Variants in TNS3 observed in about 807,000 individuals in gnomAD.
TNS3 encodes the protein tensin 3, also known as tensin-3.
A neutral mutation model predicts 140.9 loss-of-function variants in TNS3; 45 were observed. The ratio of observed to expected loss-of-function variants is 0.32; its 90% CI spans 0.25 to 0.41. The LOEUF is 0.41. Ranked by LOEUF, TNS3 falls within the 10% of genes least tolerant of loss-of-function variation. TNS3 has a pLI of 1.00. For synonymous variants in TNS3, 815 were observed against 788.4 expected (o/e 1.03, Z -0.56); for missense variants, 1,716 against 1,906.7 (o/e 0.90, Z 1.86).
At chr7:47,318,853 A>G (rs979324184) in intron 20 of TNS3, among the ~76,000 whole-genome samples, 1 of 152,184 alleles carries the variant, frequency 6.6e-6, no homozygotes, top group African/African-American at 2.4e-5. Flanking sequence ...TGTACCTAAG[A>G]TGCTTGGTTC....
intron 17 of TNS3, among the ~76,000 whole-genome samples, chr7:47,355,588 T>A (rs1789947842): frequency 1.3e-5 from 2 of 152,194 alleles, no homozygotes; most frequent in African/African-American, 2.4e-5. Context: ...CAGTCTGAAG[T>A]GCAGGAGAGG....
chr7:47,554,415 C>T (rs1449241733), intron 1 of TNS3, among the ~76,000 whole-genome samples: 1 of 110,638 alleles, frequency 9.0e-6, no homozygotes, highest in African/African-American at 2.9e-5. Context: ...AAGACTCCAT[C>T]TCAAAAAAAA....
rs934370714 is a variant in TNS3, at chr7:47,481,146, C to G, written c.-114-5G>C. On this transcript the variant is annotated splice_polypyrimidine_tract_variant and splice_region_variant and intron_variant, in intron 3 of 30. Transcript: ENST00000311160. The stretch of plus-strand genomic sequence containing the variant: ...CACACCGCAGGGAATCACCACCTTT[C>G]AAAGAGAGAAGAAACAGATAAGCAA... 1 of 1,289,714 alleles carries G rather than the reference C, an allele frequency of 7.8e-7. No individual in the cohort carries two copies. Among genetic ancestry groups the G allele is most frequent in the Admixed American group, 2.3e-5 (1 of 43,550 alleles). 79.9% of individuals were successfully genotyped at this position (1,289,714 alleles called of 1,614,324 possible).
intron 16 of TNS3, among the ~76,000 whole-genome samples, chr7:47,385,350 T>C (rs1053307820): frequency 6.6e-6 from 1 of 152,226 alleles, no homozygotes; most frequent in African/African-American, 2.4e-5. Flanking sequence ...CGGAAGGTTG[T>C]GCAGCTCGTG....
chr7:47,292,136 T>C lies in TNS3; in HGVS notation c.3851-104A>G. On this transcript the variant is annotated intron_variant, in intron 26 of 30. Transcript: ENST00000311160. The stretch of plus-strand genomic sequence containing the variant: ...ATGACAGAATTCCCAGATGGTGACA[T>C]GCAATGGTTTTGCAGAGTCAAGAGT... 2.6e-6 allele frequency: 3 copies of C among 1,159,632 alleles called. No individual in the cohort carries two copies. In the Admixed American group the frequency reaches 6.1e-5, roughly 23 times the overall value. The allele number at this position is 1,159,632 out of a possible 1,614,324, so 71.8% of individuals were successfully genotyped here.
rs748508119 is a variant in TNS3 at position 47,292,080 on chromosome 7, A to C, written c.3851-48T>G. 3 of 1,575,112 alleles carry C rather than the reference A, an allele frequency of 1.9e-6. No individual in the cohort carries two copies. The African/African-American group carries it at 4.0e-5, about 21-fold the overall frequency. On this transcript the variant is annotated intron_variant, in intron 26 of 30. Coordinates refer to ENST00000311160, the MANE Select transcript of TNS3 (RefSeq NM_022748.12). Reference sequence around the variant, plus strand: ...ACAGAAATGAGTCCTGCTCCTGACCAAGAATCCTCATGACAAAGTTAGACA... The same window carrying C: ...ACAGAAATGAGTCCTGCTCCTGACCCAGAATCCTCATGACAAAGTTAGACA...
Position 47,431,376 on chromosome 7 carries a change from C to T in TNS3, c.325-3000G>A, listed in dbSNP as rs1186795161. Among the ~76,000 whole-genome samples the T allele has an allele frequency of 1.6e-4, 25 of 152,172 alleles. 1 individual carries two copies. Among genetic ancestry groups the T allele is most frequent in the Admixed American group, 1.6e-3 (24 of 15,288 alleles). ...TTGGGAGGCCGAGGTGGGTGGATCA[C>T]GAGGTCAGGAGATCAAGACCTTCCT... is the stretch of plus-strand genomic sequence containing the variant. On this transcript the variant is annotated intron_variant, in intron 8 of 30. Transcript: ENST00000311160.
At chr7:47,514,200 G>T (rs997264063) in intron 2 of TNS3, among the ~76,000 whole-genome samples, 1 of 152,216 alleles carries the variant, frequency 6.6e-6, no homozygotes, top group Non-Finnish European at 1.5e-5. Flanking sequence ...TTAACCCACA[G>T]CGGGGGACCG....
At chr7:47,337,361 A>G (rs1788690997) in intron 20 of TNS3, among the ~76,000 whole-genome samples, 1 of 152,264 alleles carries the variant, frequency 6.6e-6, no homozygotes, top group South Asian at 2.1e-4. Context: ...CATGGGGCTT[A>G]TGCTGACTAA....
chr7:47,568,363 C>T (rs535857780), intron 1 of TNS3, among the ~76,000 whole-genome samples: 4 of 152,204 alleles, frequency 2.6e-5, no homozygotes, highest in African/African-American at 9.6e-5. Flanking sequence ...GTCTGAGAGG[C>T]GTGATCGGAA....
intron 16 of TNS3, among the ~76,000 whole-genome samples, chr7:47,375,423 T>C (rs1435592561): frequency 6.6e-6 from 1 of 152,192 alleles, no homozygotes; most frequent in Non-Finnish European, 1.5e-5. Context: ...CTGCATGACA[T>C]ACCAGTGAGG....
intron 1 of TNS3, among the ~76,000 whole-genome samples, chr7:47,542,539 C>A (rs1214542032): frequency 2.0e-5 from 3 of 152,200 alleles, no homozygotes; most frequent in Non-Finnish European, 4.4e-5. Context: ...CCACTACATG[C>A]CCGTCGACAC....
intron 12 of TNS3, among the ~76,000 whole-genome samples, chr7:47,412,839 ATT>A (rs547254323): frequency 1.3e-5 from 2 of 152,248 alleles, no homozygotes. Flanking sequence ...TGTAACAACT[ATT>A]TTCACAGCCT....
intron 3 of TNS3, among the ~76,000 whole-genome samples, chr7:47,492,197 C>A (rs1050440143): frequency 2.0e-5 from 3 of 152,220 alleles, no homozygotes; most frequent in African/African-American, 7.2e-5. Context: ...CCACCCTACA[C>A]TGGCTTTCTG....
intron 4 of TNS3, among the ~76,000 whole-genome samples, chr7:47,464,602 G>T (rs1796627316): frequency 6.6e-6 from 1 of 152,188 alleles, no homozygotes; most frequent in South Asian, 2.1e-4. Flanking sequence ...CCCTATCCCA[G>T]AATTTCTGAT....
intron 4 of TNS3, among the ~76,000 whole-genome samples, chr7:47,451,207 CT>C (rs1438002765): frequency 6.6e-6 from 1 of 152,196 alleles, no homozygotes; most frequent in Non-Finnish European, 1.5e-5. Flanking sequence ...ATCAGCTCCC[CT>C]GGGTGTCCCC....
rs188276883 is a variant in TNS3, at chr7:47,385,114, C to T, written c.1024+11686G>A. ...AACTCACTCCCAGTCTGCTCTCTAC[C>T]CTTCTCTGCATCCTGGCTCCTGCAC... On this transcript the variant is annotated intron_variant, in intron 16 of 30. Coordinates refer to ENST00000311160, the MANE Select transcript of TNS3 (RefSeq NM_022748.12). Among the ~76,000 whole-genome samples, 12 of 152,354 alleles carry T rather than the reference C, an allele frequency of 7.9e-5. No homozygotes were observed. In the East Asian group the frequency reaches 1.7e-3, roughly 22 times the overall value.
intron 4 of TNS3, among the ~76,000 whole-genome samples, chr7:47,464,767 G>A (rs1198255602): frequency 6.6e-6 from 1 of 152,166 alleles, no homozygotes; most frequent in Non-Finnish European, 1.5e-5. Flanking sequence ...CACATGCAAT[G>A]CGGGCTTCAT....
At chr7:47,415,508 G>T (rs1304452178) in intron 10 of TNS3, among the ~76,000 whole-genome samples, 1 of 152,234 alleles carries the variant, frequency 6.6e-6, no homozygotes, top group Non-Finnish European at 1.5e-5. Flanking sequence ...CCAGGCCACA[G>T]GCCACAGGCC....
Sources: gnomAD v4.1 joint callset for allele counts (sites outside exome capture counted in the v4.1 genomes callset) on GRCh38, gnomAD v4.1.1 for gene constraint, MANE v1.5 for transcripts, NCBI Gene and HGNC (gene_info 2026-07-23, HGNC 2026-07-21) for gene names.